SYT9: variants seen among roughly 807,000 people sequenced by gnomAD.
The protein encoded by SYT9 is synaptotagmin 9.
SYT9 carries 22 observed loss-of-function variants against 48.4 expected under a neutral mutation model. The observed-to-expected ratio is 0.45, with a 90% CI of 0.32 to 0.65. The LOEUF (loss-of-function observed/expected upper bound fraction) is 0.65. SYT9 is among the 30% of genes least tolerant of loss of function. The pLI is 0.03. For synonymous variants in SYT9, 265 were observed against 245.0 expected (o/e 1.08, Z -0.76); for missense variants, 577 against 622.0 (o/e 0.93, Z 0.77).
At chr11:7,263,146 C>A (rs963997127) in intron 1 of SYT9, among the ~76,000 whole-genome samples, 3 of 152,152 alleles carry the variant, frequency 2.0e-5, no homozygotes, top group Non-Finnish European at 4.4e-5. Flanking sequence ...AGCTTACTGT[C>A]TTAGTCCATT....
chr11:7,332,089 G>T (rs1849544662), intron 3 of SYT9, among the ~76,000 whole-genome samples: 2 of 152,160 alleles, frequency 1.3e-5, no homozygotes. Context: ...CTTAGTGAAG[G>T]ACTGCCCTCA....
At chr11:7,277,568 G>T (rs1193790201) in intron 1 of SYT9, among the ~76,000 whole-genome samples, 2 of 152,190 alleles carry the variant, frequency 1.3e-5, no homozygotes, top group Non-Finnish European at 2.9e-5. Context: ...TGAAGAAAAG[G>T]GCACTTTTTC....
intron 3 of SYT9, among the ~76,000 whole-genome samples, chr11:7,352,699 G>C (rs1216797112): frequency 6.6e-6 from 1 of 152,144 alleles, no homozygotes; most frequent in African/African-American, 2.4e-5. Flanking sequence ...TGTTATGGAA[G>C]ATGAGACACA....
chr11:7,376,689 G>A (rs541261233), intron 3 of SYT9, among the ~76,000 whole-genome samples: 31 of 152,166 alleles, frequency 2.0e-4, no homozygotes, highest in African/African-American at 7.0e-4. Flanking sequence ...ATAGCATTGG[G>A]TAGAGCAAAC....
At chr11:7,267,477 A>G (rs1425248200) in intron 1 of SYT9, among the ~76,000 whole-genome samples, 1 of 151,968 alleles carries the variant, frequency 6.6e-6, no homozygotes, top group Non-Finnish European at 1.5e-5. Flanking sequence ...CCAAAACTCT[A>G]AACACTTAAA....
chr11:7,383,616 T>A (rs912685320), intron 3 of SYT9, among the ~76,000 whole-genome samples: 3 of 152,204 alleles, frequency 2.0e-5, no homozygotes, highest in Admixed American at 1.3e-4. Flanking sequence ...AAATGTGTAA[T>A]CAAGTGTAAT....
intron 6 of SYT9, among the ~76,000 whole-genome samples, chr11:7,425,420 G>A (rs554311514): frequency 1.3e-5 from 2 of 152,208 alleles, no homozygotes; most frequent in Admixed American, 6.5e-5. Context: ...AGATGGGAGT[G>A]GGGAGAGCAT....
At chr11:7,362,306 G>C (rs997036992) in intron 3 of SYT9, among the ~76,000 whole-genome samples, 2 of 151,618 alleles carry the variant, frequency 1.3e-5, no homozygotes, top group Non-Finnish European at 2.9e-5. Context: ...CACCATGCCT[G>C]GCTAATTTTT....
At chr11:7,343,444 G>A (rs1285391261) in intron 3 of SYT9, among the ~76,000 whole-genome samples, 1 of 152,140 alleles carries the variant, frequency 6.6e-6, no homozygotes, top group Admixed American at 6.6e-5. Context: ...GGGGGAAAAT[G>A]TTGCCAGTCT....
Position 7,272,841 on chromosome 11 carries a change from G to A in SYT9, c.145+20510G>A, listed in dbSNP as rs377128931. Among the ~76,000 whole-genome samples, 294 of 152,310 alleles carry A rather than the reference G, an allele frequency of 1.9e-3. 2 individuals are homozygous for A. Among genetic ancestry groups the A allele is most frequent in the African/African-American group, 6.6e-3 (276 of 41,574 alleles). On this transcript the variant is annotated intron_variant, in intron 1 of 6. Coordinates refer to ENST00000318881, the MANE Select transcript of SYT9 (RefSeq NM_175733.4). ...TGTTCCAGTAAAGCATTTGGAGGAAGAGTTTCTAGTAAACAACATGTGCAA... is the reference window on the plus strand; with the variant it reads ...TGTTCCAGTAAAGCATTTGGAGGAAAAGTTTCTAGTAAACAACATGTGCAA...
intron 3 of SYT9, among the ~76,000 whole-genome samples, chr11:7,357,528 A>G (rs1016810700): frequency 1.3e-5 from 2 of 152,164 alleles, no homozygotes; most frequent in African/African-American, 4.8e-5. Context: ...AGAATCCTAA[A>G]GATAGCAAAG....
At chr11:7,302,556 G>A (rs761642528) in intron 1 of SYT9, among the ~76,000 whole-genome samples, 17 of 152,232 alleles carry the variant, frequency 1.1e-4, no homozygotes, top group Admixed American at 5.2e-4. Context: ...AGGAAAAATA[G>A]AACCAAAAAA....
At chr11:7,455,205 G>GGA (rs1554928800) in intron 6 of SYT9, among the ~76,000 whole-genome samples, 5 of 150,524 alleles carry the variant, frequency 3.3e-5, no homozygotes, top group African/African-American at 9.8e-5. Flanking sequence ...CTTTCACTGA[G>GGA]AAAAAAAAAG....
chr11:7,432,547 CAAAAAAAAAAAAAAAAAAA>C (rs67650978), intron 6 of SYT9, among the ~76,000 whole-genome samples: 21 of 16,924 alleles, frequency 1.2e-3, no homozygotes, highest in African/African-American at 4.1e-3. Context: ...GACTCCATCT[CAAAAAAAAAAAAAAAAAAA>C]AAAAAAAAAA....
At chr11:7,348,487 A>C (rs1849843964) in intron 3 of SYT9, among the ~76,000 whole-genome samples, 1 of 152,110 alleles carries the variant, frequency 6.6e-6, no homozygotes, top group African/African-American at 2.4e-5. Context: ...GATATTAAAG[A>C]ATATTGCTTC....
intron 1 of SYT9, among the ~76,000 whole-genome samples, chr11:7,255,904 G>A (rs1847960011): frequency 6.6e-6 from 1 of 152,108 alleles, no homozygotes; most frequent in African/African-American, 2.4e-5. Context: ...TTTTTTAACT[G>A]GAGACTTCGC....
chr11:7,252,099 G>T lies in SYT9; in HGVS notation c.-88G>T, dbSNP rs866991006. On this transcript the variant is annotated 5_prime_UTR_variant, in exon 1 of 7. Transcript: ENST00000318881. This position sits in a 1 kb window ranked among gnomAD's most constrained non-coding sequence, Gnocchi z 6.3. ...CAGGTCCCTGGCGGTGAGCGCGGAC[G>T]GCCCGGAGGCGGCGGCTCTGAGCTG... 6.5e-4 allele frequency: 834 copies of T among 1,292,556 alleles called. 1 individual carries two copies. The highest frequency in any genetic ancestry group is 7.2e-4 in the Non-Finnish European group (734 of 1,014,966). 80.1% of individuals were successfully genotyped at this position (1,292,556 alleles called of 1,614,324 possible).
upstream of SYT9, among the ~76,000 whole-genome samples, chr11:7,247,617 G>GTA (rs1491486007): frequency 2.9e-5 from 4 of 140,010 alleles, no homozygotes; most frequent in East Asian, 6.5e-4. Flanking sequence ...ACATATATAC[G>GTA]TGTATATATA....
chr11:7,351,797 A>C lies in SYT9; in HGVS notation c.1044+37856A>C, dbSNP rs1037768656. 6.6e-5 allele frequency among the ~76,000 whole-genome samples: 10 copies of C among 152,328 alleles called. No individual in the cohort carries two copies. In the Middle Eastern group the frequency reaches 0.01, roughly 155 times the overall value. On this transcript the variant is annotated intron_variant, in intron 3 of 6. Coordinates refer to ENST00000318881, the MANE Select transcript of SYT9 (RefSeq NM_175733.4). Reference sequence around the variant, plus strand: ...GGGCTGGGAAGATTCTATTTTACAGACATCACCAGGAGTGTGACACTCAGG... The same window carrying C: ...GGGCTGGGAAGATTCTATTTTACAGCCATCACCAGGAGTGTGACACTCAGG...
Sources: allele counts gnomAD v4.1 joint callset (sites outside exome capture counted in the v4.1 genomes callset), GRCh38; gene constraint gnomAD v4.1.1; non-coding constraint Gnocchi (gnomAD v3.1); transcripts MANE v1.5; gene names NCBI Gene and HGNC (gene_info 2026-07-23, HGNC 2026-07-21).